FOXP4: variants seen among roughly 807,000 people sequenced by gnomAD.
The protein encoded by FOXP4 is forkhead box protein P4.
A neutral mutation model predicts 82.6 loss-of-function variants in FOXP4; 25 were observed. That is an observed-to-expected ratio of 0.30 (90% CI 0.22 to 0.42). The LOEUF (loss-of-function observed/expected upper bound fraction) is 0.42. Ranked by LOEUF, FOXP4 falls within the 10% of genes least tolerant of loss-of-function variation. The pLI is 1.00. For missense variants in FOXP4, 785 were observed against 900.9 expected (o/e 0.87, Z 1.65); for synonymous variants, 415 against 388.2 (o/e 1.07, Z -0.81).
chr6:41,592,103 G>A (rs972783307), intron 13 of FOXP4, among the ~76,000 whole-genome samples: 1 of 152,104 alleles, frequency 6.6e-6, no homozygotes, highest in Non-Finnish European at 1.5e-5. Flanking sequence ...TGCAGGGAAG[G>A]TTAGACGCGG....
intron 16 of FOXP4, among the ~76,000 whole-genome samples, chr6:41,598,473 C>T (rs1767007186): frequency 6.6e-6 from 1 of 152,178 alleles, no homozygotes. Flanking sequence ...TGGCCTCGCC[C>T]TCCCAAAATG....
At chr6:41,561,425 C>T (rs1463159285) in intron 1 of FOXP4, among the ~76,000 whole-genome samples, 1 of 152,084 alleles carries the variant, frequency 6.6e-6, no homozygotes, top group Non-Finnish European at 1.5e-5. Flanking sequence ...CAATCCCTAC[C>T]TTATTGTATG....
intron 3 of FOXP4, among the ~76,000 whole-genome samples, chr6:41,582,352 C>A (rs1314730564): frequency 6.6e-6 from 1 of 152,198 alleles, no homozygotes; most frequent in South Asian, 2.1e-4. Flanking sequence ...AGCCAAGTGC[C>A]GTGCTGGGCA....
At chr6:41,563,824 A>G (rs543041153) in intron 1 of FOXP4, among the ~76,000 whole-genome samples, 7 of 152,318 alleles carry the variant, frequency 4.6e-5, no homozygotes, top group Non-Finnish European at 1.0e-4. Context: ...CAGATGGAAA[A>G]TACTGTACAG....
At position 41,593,243 on chromosome 6, in the gene FOXP4, T is replaced by C. The variant is rs1766617752; in HGVS notation, c.1537-1627T>C. 6.6e-6 allele frequency among the ~76,000 whole-genome samples: 1 copy of C among 152,216 alleles called. No individual in the cohort carries two copies. The highest frequency in any genetic ancestry group is 2.1e-4 in the South Asian group (1 of 4,834). The stretch of plus-strand genomic sequence containing the variant: ...CTCTCCCGAATTATTTGTGCTTTCT[T>C]CTTTCCCTTCTTCACCTTTGCTGGC... On this transcript the variant is annotated intron_variant, in intron 13 of 16. Transcript: ENST00000307972. The surrounding 1 kb of genome is among the most constrained non-coding windows in gnomAD (Gnocchi z 4.1).
intron 2 of FOXP4, among the ~76,000 whole-genome samples, chr6:41,575,035 C>T (rs1765398802): frequency 6.6e-6 from 1 of 152,184 alleles, no homozygotes; most frequent in African/African-American, 2.4e-5. Flanking sequence ...GTGGTGCCAC[C>T]TCGGCTCACT....
chr6:41,586,446 G>A (rs1766126117), intron 5 of FOXP4, among the ~76,000 whole-genome samples: 1 of 152,188 alleles, frequency 6.6e-6, no homozygotes, highest in African/African-American at 2.4e-5. Context: ...GTGAGCCAAC[G>A]AGTACAGGGC....
rs141445753 is a variant in FOXP4, at chr6:41,590,055, G to A, written c.1242G>A (p.Ser414=). 1.7e-5 allele frequency: 27 copies of A among 1,613,802 alleles called. No homozygotes were observed. The highest frequency in any genetic ancestry group is 2.2e-5 in the Non-Finnish European group (26 of 1,179,960). ...ATGGTCTCGTGCACCCCCCGACCTCGGCCGCAGCCCCTGTCACCCCTCTAC... is the reference window on the plus strand; with the variant it reads ...ATGGTCTCGTGCACCCCCCGACCTCAGCCGCAGCCCCTGTCACCCCTCTAC... The part of the protein sequence containing the change: ...FPDGLVHPPT[S]AAAPVTPLRP... The change falls in exon 11 of 17, where the codon TCG becomes TCA. Residue 414 remains serine, a synonymous_variant. Coordinates refer to ENST00000307972, the MANE Select transcript of FOXP4 (RefSeq NM_001012426.2).
At chr6:41,559,521 A>G (rs1764451599) in intron 1 of FOXP4, among the ~76,000 whole-genome samples, 1 of 152,170 alleles carries the variant, frequency 6.6e-6, no homozygotes, top group Non-Finnish European at 1.5e-5. Flanking sequence ...TCTAGAAAAA[A>G]AAGAGAAGGG....
intron 3 of FOXP4, among the ~76,000 whole-genome samples, chr6:41,584,052 G>A (rs1488786833): frequency 2.0e-5 from 3 of 152,162 alleles, no homozygotes; most frequent in Non-Finnish European, 2.9e-5. Flanking sequence ...AGTTAGGAGC[G>A]GAAGCCTGCC....
In FOXP4 at chr6:41,587,655, G is replaced by A. The variant is rs116862966; in HGVS notation, c.873-138G>A. The A allele has an allele frequency of 2.7e-3, 2,388 of 899,756 alleles. 40 individuals carry two copies. The Admixed American group carries it at 0.031, about 12-fold the overall frequency. The allele number at this position is 899,756 out of a possible 1,614,324, so 55.7% of individuals were successfully genotyped here. ...CCCTCTCCACTCCCTCTCCCGGGGT[G>A]TACAGATGGTGCTTGGCCGCTGGGA... On this transcript the variant is annotated intron_variant, in intron 7 of 16. Transcript: ENST00000307972.
At chr6:41,597,660 C>A in intron 15 of FOXP4, 121 bp from the exon 16 acceptor site, 1 of 1,287,000 alleles carries the variant, frequency 7.8e-7, no homozygotes. Flanking sequence ...ACAGATCCGC[C>A]CGTGGGGCCA....
At chr6:41,587,720 G>A (rs1766235275) in intron 7 of FOXP4, 73 bp from the exon 8 acceptor site, 9 of 1,070,788 alleles carry the variant, frequency 8.4e-6, no homozygotes, top group Non-Finnish European at 1.2e-5. Context: ...CAGGGGAGCT[G>A]GTGCTCAGCT....
At chr6:41,572,576 C>T (rs1021150725) in intron 2 of FOXP4, among the ~76,000 whole-genome samples, 1 of 152,174 alleles carries the variant, frequency 6.6e-6, no homozygotes, top group African/African-American at 2.4e-5. Flanking sequence ...GGTGGGCCAG[C>T]ACCCTCAAAT....
At chr6:41,594,486 C>G (rs189035379) in intron 13 of FOXP4, among the ~76,000 whole-genome samples, 1 of 152,218 alleles carries the variant, frequency 6.6e-6, no homozygotes, top group East Asian at 1.9e-4. Context: ...TGCCGGGGCC[C>G]GAATGTGATC....
At chr6:41,561,903 C>T (rs1398826063) in intron 1 of FOXP4, among the ~76,000 whole-genome samples, 1 of 152,190 alleles carries the variant, frequency 6.6e-6, no homozygotes, top group Non-Finnish European at 1.5e-5. Context: ...CCCCTGCCTG[C>T]TCCCCTAGCC....
intron 8 of FOXP4, among the ~76,000 whole-genome samples, chr6:41,588,372 A>G (rs1464019835): frequency 6.6e-6 from 1 of 152,120 alleles, no homozygotes; most frequent in Non-Finnish European, 1.5e-5. Flanking sequence ...GGGTCAAACA[A>G]ATTGTTTTCA....
At position 41,593,734 on chromosome 6, in the gene FOXP4, C is replaced by T. The variant is rs578008261; in HGVS notation, c.1537-1136C>T. Among the ~76,000 whole-genome samples, 7 of 152,112 alleles carry T rather than the reference C, an allele frequency of 4.6e-5. No individual in the cohort carries two copies. Among genetic ancestry groups the T allele is most frequent in the African/African-American group, 9.6e-5 (4 of 41,466 alleles). Reference sequence around the variant, plus strand: ...CTCCCTCGTGGATTAGCAAGCGAGTCGGAAAAATACACAGGATTTAATTAG... The same window carrying T: ...CTCCCTCGTGGATTAGCAAGCGAGTTGGAAAAATACACAGGATTTAATTAG... On this transcript the variant is annotated intron_variant, in intron 13 of 16. Transcript: ENST00000307972. The surrounding 1 kb of genome is among the most constrained non-coding windows in gnomAD (Gnocchi z 4.1).
rs534531618 is a variant in FOXP4, at chr6:41,595,033, G to A, written c.1658+42G>A. 3 of 1,611,884 alleles carry A rather than the reference G, an allele frequency of 1.9e-6. No homozygotes were observed. The African/African-American group carries it at 4.0e-5, about 22-fold the overall frequency. The stretch of plus-strand genomic sequence containing the variant: ...CTGGATGGGCTGTACCTGCCCAGGG[G>A]GCAGGAGCCAACTCACCCCCACCCC... On this transcript the variant is annotated intron_variant, in intron 14 of 16. Coordinates refer to ENST00000307972, the MANE Select transcript of FOXP4 (RefSeq NM_001012426.2).
Sources: allele counts gnomAD v4.1 joint callset (sites outside exome capture counted in the v4.1 genomes callset), GRCh38; gene constraint gnomAD v4.1.1; non-coding constraint Gnocchi (gnomAD v3.1); transcripts MANE v1.5; gene names NCBI Gene and HGNC (gene_info 2026-07-23, HGNC 2026-07-21).